INTS6: variants seen among roughly 807,000 people sequenced by gnomAD.
INTS6 encodes DEAD box protein.
A neutral mutation model predicts 104.9 loss-of-function variants in INTS6; 16 were observed. The ratio of observed to expected loss-of-function variants is 0.15; its 90% CI spans 0.10 to 0.23. INTS6 has a LOEUF of 0.23. Among genes scored for constraint, INTS6 ranks in the 10% least tolerant of loss-of-function variants. The probability of loss-of-function intolerance (pLI) is 1.00; values close to 1 mark genes in which losing one functional copy is unlikely to be tolerated. For missense variants in INTS6, 584 were observed against 1,062.8 expected (o/e 0.55, Z 6.26); for synonymous variants, 324 against 358.7 (o/e 0.90, Z 1.09).
chr13:51,452,974 T>A lies in INTS6; in HGVS notation c.-449A>T. On this transcript the variant is annotated 5_prime_UTR_variant, in exon 1 of 18. Coordinates refer to ENST00000311234, the MANE Select transcript of INTS6 (RefSeq NM_012141.3). The surrounding 1 kb of genome is among the most constrained non-coding windows in gnomAD (Gnocchi z 4.2). ...GGCCCTGGGGCTGTTGGGAGAAGTT[T>A]CAGGGACTCCCTCCGCACCCCGGCG... The A allele has an allele frequency of 2.0e-6, 2 of 1,011,954 alleles. No homozygotes were observed. The highest frequency in any genetic ancestry group is 1.2e-6 in the Non-Finnish European group (1 of 845,904). The allele number at this position is 1,011,954 out of a possible 1,614,324, so 62.7% of individuals were successfully genotyped here.
intron 4 of INTS6, among the ~76,000 whole-genome samples, chr13:51,419,549 C>T (rs1205505329): frequency 6.6e-6 from 1 of 152,180 alleles, no homozygotes; most frequent in Non-Finnish European, 1.5e-5. Flanking sequence ...CAAAATCCAA[C>T]TCAAGACATT....
intron 4 of INTS6, chr13:51,423,079 T>C: frequency 7.8e-7 from 1 of 1,282,144 alleles, no homozygotes; most frequent in South Asian, 1.2e-5. Context: ...TCCATCTGTG[T>C]GTCCCCAGTA....
At chr13:51,366,543 C>G (rs1351938620) in intron 17 of INTS6, among the ~76,000 whole-genome samples, 1 of 151,924 alleles carries the variant, frequency 6.6e-6, no homozygotes, top group Non-Finnish European at 1.5e-5. Flanking sequence ...TACTTAGAAG[C>G]TAATATAAAT....
At chr13:51,388,542 C>T (rs572079223) in intron 6 of INTS6, among the ~76,000 whole-genome samples, 20 of 152,012 alleles carry the variant, frequency 1.3e-4, no homozygotes, top group Non-Finnish European at 2.8e-4. Context: ...CATAGGCATG[C>T]GCCACCACGC....
At chr13:51,417,273 A>C (rs1320725658) in intron 4 of INTS6, among the ~76,000 whole-genome samples, 2 of 152,010 alleles carry the variant, frequency 1.3e-5, no homozygotes, top group Non-Finnish European at 2.9e-5. Context: ...GTCTAACTAA[A>C]ACTTGCCTAA....
intron 7 of INTS6, 37 bp downstream of exon 7, chr13:51,387,349 T>C (rs755655923): frequency 3.3e-6 from 5 of 1,529,976 alleles, no homozygotes; most frequent in Non-Finnish European, 4.4e-6. Flanking sequence ...GACAGCTGAA[T>C]GGTTACTATT....
chr13:51,390,160 C>CA (rs1394581459), intron 5 of INTS6, among the ~76,000 whole-genome samples: 2 of 151,780 alleles, frequency 1.3e-5, no homozygotes, highest in African/African-American at 4.8e-5. Context: ...GAATTTTCAA[C>CA]AAAAATATCT....
At chr13:51,371,237 C>A (rs144928986) in intron 15 of INTS6, among the ~76,000 whole-genome samples, 1 of 152,254 alleles carries the variant, frequency 6.6e-6, no homozygotes, top group African/African-American at 2.4e-5. Flanking sequence ...CTGTTAAGAA[C>A]CTGGCCTCCC....
At chr13:51,389,477 A>G in intron 5 of INTS6, 33 bp from the exon 6 acceptor site, 1 of 1,570,888 alleles carries the variant, frequency 6.4e-7, no homozygotes, top group Non-Finnish European at 8.6e-7. Flanking sequence ...GAAGAAGAAG[A>G]AGAATATAGT....
chr13:51,443,901 T>C (rs1446216951), intron 3 of INTS6: 3 of 152,156 alleles, frequency 2.0e-5, no homozygotes, highest in African/African-American at 7.2e-5. Context: ...TTTAACTAAT[T>C]TTGACCACAA....
At chr13:51,341,416 C>T in the INTS6 span, 3 of 1,394,414 alleles carry the variant, frequency 2.2e-6, no homozygotes, top group Non-Finnish European at 2.0e-6. Context: ...CCAGCTCACC[C>T]TCCTGCTCAC....
At chr13:51,342,004 G>A in the INTS6 span, among the ~76,000 whole-genome samples, 4 of 152,020 alleles carry the variant, frequency 2.6e-5, no homozygotes, top group East Asian at 1.9e-4. Context: ...CGGCTTTGCC[G>A]GCAGCAGCAT....
intron 3 of INTS6, chr13:51,449,734 A>C: frequency 1.0e-6 from 1 of 985,432 alleles, no homozygotes; most frequent in Non-Finnish European, 1.2e-6. Flanking sequence ...AAGAGAAGGA[A>C]ATCCACTACT....
chr13:51,431,675 T>A (rs1357545787), intron 3 of INTS6, among the ~76,000 whole-genome samples: 1 of 152,160 alleles, frequency 6.6e-6, no homozygotes, highest in Non-Finnish European at 1.5e-5. Context: ...ATCGTCTTGA[T>A]CAAATCATTC....
chr13:51,396,207 AG>A (rs1248308657), intron 4 of INTS6, among the ~76,000 whole-genome samples: 2 of 152,198 alleles, frequency 1.3e-5, no homozygotes, highest in African/African-American at 4.8e-5. Context: ...ACATCTTTAC[AG>A]CTCTTAATAT....
At chr13:51,375,300 C>T (rs139288472) in intron 13 of INTS6, among the ~76,000 whole-genome samples, 1,723 of 147,322 alleles carry the variant, frequency 0.012, 27 homozygotes, top group East Asian at 0.073. Context: ...TGCAGTGAGC[C>T]GAGATCACAC....
chr13:51,448,150 T>G (rs1366289243), intron 3 of INTS6: 2 of 152,222 alleles, frequency 1.3e-5, no homozygotes, highest in African/African-American at 2.4e-5. Context: ...TAATCAGACC[T>G]CTCACATTTT....
chr13:51,428,528 T>C (rs973035067), intron 4 of INTS6, among the ~76,000 whole-genome samples: 3 of 151,908 alleles, frequency 2.0e-5, no homozygotes, highest in East Asian at 1.9e-4. Flanking sequence ...GGTTTCACCA[T>C]GTTGGTCAGG....
the INTS6 span, chr13:51,344,421 C>T: frequency 1.0e-4 from 168 of 1,609,712 alleles, no homozygotes; most frequent in Middle Eastern, 6.6e-4. Context: ...TGGAACCAGC[C>T]GACCTCAGTG....
Sources: gnomAD v4.1 joint callset for allele counts (sites outside exome capture counted in the v4.1 genomes callset) on GRCh38, gnomAD v4.1.1 for gene constraint, Gnocchi (gnomAD v3.1) non-coding constraint, MANE v1.5 for transcripts, NCBI Gene and HGNC (gene_info 2026-07-23, HGNC 2026-07-21) for gene names.